The following CAST variants were observed in gnomAD, a reference collection of about 807,000 sequenced individuals.
CAST encodes the protein calpastatin, also known as MIR583 host.
CAST carries 76 observed loss-of-function variants against 119.6 expected under a neutral mutation model. The observed-to-expected ratio is 0.64, with a 90% CI of 0.53 to 0.77. CAST has a LOEUF of 0.77. Among genes scored for constraint, CAST ranks in the 30% least tolerant of loss-of-function variants. CAST has a pLI of 0.00. For synonymous variants in CAST, 319 were observed against 331.6 expected (o/e 0.96, Z 0.41); for missense variants, 953 against 946.5 (o/e 1.01, Z -0.09).
the CAST span, among the ~76,000 whole-genome samples, chr5:96,145,257 G>A: frequency 9.9e-5 from 15 of 151,978 alleles, no homozygotes; most frequent in African/African-American, 3.6e-4. Flanking sequence ...AAACTTTCTG[G>A]TAATCATGTT....
chr5:96,426,237 T>C, the CAST span, among the ~76,000 whole-genome samples: 4 of 152,312 alleles, frequency 2.6e-5, no homozygotes, highest in South Asian at 6.2e-4. Context: ...CATCAGCAAA[T>C]GGACCATAAT....
intron 7 of CAST, 154 bp from the exon 8 acceptor site, chr5:96,729,458 C>G (rs76141026): frequency 6.5e-6 from 4 of 617,934 alleles, no homozygotes; most frequent in Non-Finnish European, 1.2e-5. Flanking sequence ...GTACATCACA[C>G]TAATTGAAAT....
At chr5:96,162,760 A>T in the CAST span, among the ~76,000 whole-genome samples, 1 of 152,122 alleles carries the variant, frequency 6.6e-6, no homozygotes, top group Non-Finnish European at 1.5e-5. Context: ...GGGATAGTTT[A>T]TCATGGTGTA....
At chr5:96,028,540 A>T in the CAST span, among the ~76,000 whole-genome samples, 2 of 152,020 alleles carry the variant, frequency 1.3e-5, no homozygotes, top group African/African-American at 4.8e-5. Flanking sequence ...TGGTGAAAAA[A>T]TGACCCCAAA....
At chr5:96,111,471 C>T in the CAST span, among the ~76,000 whole-genome samples, 1 of 152,216 alleles carries the variant, frequency 6.6e-6, no homozygotes, top group African/African-American at 2.4e-5. Flanking sequence ...TCTTCCCTCC[C>T]CAGATGGGGC....
chr5:96,511,296 C>A, the CAST span, among the ~76,000 whole-genome samples: 1 of 152,104 alleles, frequency 6.6e-6, no homozygotes, highest in Admixed American at 6.5e-5. Flanking sequence ...AGGCGCCCGC[C>A]ACCACGCCTG....
intron 1 of CAST, among the ~76,000 whole-genome samples, chr5:96,575,428 G>A (rs1336703380): frequency 1.3e-5 from 2 of 151,948 alleles, no homozygotes; most frequent in Non-Finnish European, 2.9e-5. Flanking sequence ...AGGACCTCTA[G>A]TACTATGTTG....
At chr5:96,124,033 G>C in the CAST span, among the ~76,000 whole-genome samples, 1 of 152,138 alleles carries the variant, frequency 6.6e-6, no homozygotes, top group African/African-American at 2.4e-5. Flanking sequence ...TTAATTGACT[G>C]ATGTTTCAGA....
intron 1 of CAST, among the ~76,000 whole-genome samples, chr5:96,623,824 C>G (rs1199697359): frequency 6.6e-6 from 1 of 151,974 alleles, no homozygotes; most frequent in Non-Finnish European, 1.5e-5. Flanking sequence ...AGCTTCCCAT[C>G]TGGCTGCAAC....
chr5:96,336,218 G>A, the CAST span, among the ~76,000 whole-genome samples: 2 of 152,034 alleles, frequency 1.3e-5, no homozygotes, highest in African/African-American at 2.4e-5. Flanking sequence ...ACTCTCAACC[G>A]GCAGTAGTTC....
the CAST span, among the ~76,000 whole-genome samples, chr5:96,182,776 A>AT: frequency 1.3e-5 from 2 of 152,100 alleles, no homozygotes; most frequent in African/African-American, 2.4e-5. Context: ...TCCATTTCTA[A>AT]TTTTTTTATT....
intron 31 of CAST, 78 bp downstream of exon 31, chr5:96,771,780 G>C: frequency 1.1e-4 from 91 of 818,570 alleles, no homozygotes; most frequent in Non-Finnish European, 1.7e-4. Flanking sequence ...GAGAAGTGAA[G>C]TCCACCTCTT....
At chr5:96,288,384 C>T in the CAST span, among the ~76,000 whole-genome samples, 1 of 152,234 alleles carries the variant, frequency 6.6e-6, no homozygotes, top group East Asian at 1.9e-4. Flanking sequence ...GAAAAGAAGT[C>T]ATCTGAGAAC....
the CAST span, among the ~76,000 whole-genome samples, chr5:96,214,193 A>G: frequency 5.9e-5 from 9 of 152,190 alleles, no homozygotes; most frequent in Non-Finnish European, 1.5e-5. Context: ...GGAGATTGTA[A>G]CTTATAATGA....
At chr5:96,279,359 A>C in the CAST span, among the ~76,000 whole-genome samples, 1 of 152,166 alleles carries the variant, frequency 6.6e-6, no homozygotes, top group Non-Finnish European at 1.5e-5. Context: ...AGATGTTTGC[A>C]TCTCTAACAC....
At chr5:96,068,803 A>ATATTTTATATATAT in the CAST span, among the ~76,000 whole-genome samples, 2 of 151,212 alleles carry the variant, frequency 1.3e-5, no homozygotes, top group Non-Finnish European at 2.9e-5. Context: ...GTATATGTAT[A>ATATTTTATATATAT]AAATATATTT....
the CAST span, among the ~76,000 whole-genome samples, chr5:96,074,555 G>A: frequency 6.6e-6 from 1 of 152,208 alleles, no homozygotes; most frequent in Non-Finnish European, 1.5e-5. Context: ...ATAAATTGCT[G>A]TTGTTTAAGG....
chr5:96,120,139 AG>A, the CAST span, among the ~76,000 whole-genome samples: 3 of 152,206 alleles, frequency 2.0e-5, no homozygotes, highest in East Asian at 5.8e-4. Context: ...ATTAGCATCC[AG>A]GTTTCCTTTT....
chr5:96,600,121 C>T (rs181154412), intron 1 of CAST, among the ~76,000 whole-genome samples: 2 of 152,236 alleles, frequency 1.3e-5, no homozygotes, highest in East Asian at 3.9e-4. Flanking sequence ...TTATTAAACC[C>T]TTGTGTCTAA....
Sources: allele counts gnomAD v4.1 joint callset (sites outside exome capture counted in the v4.1 genomes callset), GRCh38; gene constraint gnomAD v4.1.1; transcripts MANE v1.5; gene names NCBI Gene and HGNC (gene_info 2026-07-23, HGNC 2026-07-21).